The following EXD2 variants were observed in gnomAD, a reference collection of about 807,000 sequenced individuals.
EXD2 encodes the protein exonuclease 3'-5' domain-containing protein 2.
EXD2 carries 40 observed loss-of-function variants against 62.5 expected under a neutral mutation model. That is an observed-to-expected ratio of 0.64 (90% CI 0.50 to 0.83). The LOEUF (loss-of-function observed/expected upper bound fraction) is 0.83. Among genes scored for constraint, EXD2 ranks in the 40% least tolerant of loss-of-function variants. The pLI, the probability that EXD2 is intolerant of heterozygous loss-of-function variation, is 0.00. For missense variants in EXD2, 671 were observed against 761.8 expected, an observed-to-expected ratio of 0.88 and a Z score of 1.40; for synonymous variants, 239 against 291.9, an observed-to-expected ratio of 0.82 and a Z score of 1.85.
rs576974579 is a variant in EXD2, at chr14:69,224,497, CCTA to C, written c.334-4314_334-4312del. On this transcript the variant is annotated intron_variant, in intron 3 of 9. Transcript: ENST00000685843. Reference sequence around the variant, plus strand: ...ACACAGATCCAAACTATATCACACCCCTACTACCTCCTGAGTCCAAGCTTCAAG... The same window carrying C: ...ACACAGATCCAAACTATATCACACCCCTACCTCCTGAGTCCAAGCTTCAAG... Among the ~76,000 whole-genome samples, 213 of 152,286 alleles carry C rather than the reference CCTA, an allele frequency of 1.4e-3. 5 individuals carry two copies. The South Asian group carries it at 0.028, about 20-fold the overall frequency.
rs1394912469 is a variant in EXD2 at position 69,234,986 on chromosome 14, C to A, written c.1004C>A (p.Pro335His). 6.2e-7 allele frequency: 1 copy of A among 1,608,630 alleles called. No homozygotes were observed. Among genetic ancestry groups the A allele is most frequent in the Admixed American group, 1.7e-5 (1 of 58,620 alleles). ...CCAGGCAACCACCAAGGGAGAGACCCCAGAAAACATAAAAGAAAGCCTCTG... is the reference window on the plus strand; with the variant it reads ...CCAGGCAACCACCAAGGGAGAGACCACAGAAAACATAAAAGAAAGCCTCTG... ...MVPGNHQGRD[P>H]RKHKRKPLGV... The change falls in exon 6 of 10, where the codon CCC becomes CAC. Residue 335 changes from proline to histidine, a missense_variant. Coordinates refer to ENST00000685843, the MANE Select transcript of EXD2 (RefSeq NM_001193360.2).
intron 1 of EXD2, among the ~76,000 whole-genome samples, chr14:69,193,973 G>A (rs929842124): frequency 1.3e-5 from 2 of 152,160 alleles, no homozygotes; most frequent in Admixed American, 1.3e-4. Flanking sequence ...TTGTGCTGAA[G>A]TTGAAAAATC....
At chr14:69,209,128 C>G (rs1566821697) in intron 2 of EXD2, 1 of 165,456 alleles carries the variant, frequency 6.0e-6, no homozygotes, top group African/African-American at 2.4e-5. Flanking sequence ...GATCACACTT[C>G]ATTGTGTACA....
chr14:69,200,680 G>A (rs1372893485), intron 1 of EXD2, among the ~76,000 whole-genome samples: 1 of 149,682 alleles, frequency 6.7e-6, no homozygotes, highest in East Asian at 2.0e-4. Context: ...CTGCACTCCA[G>A]CCTTTGCGAT....
chr14:69,200,034 A>G (rs1375727216), intron 1 of EXD2, among the ~76,000 whole-genome samples: 1 of 152,242 alleles, frequency 6.6e-6, no homozygotes, highest in Non-Finnish European at 1.5e-5. Flanking sequence ...CGCATTGTGC[A>G]GCAACGTTAG....
chr14:69,202,617 T>C (rs2042446974), intron 1 of EXD2, among the ~76,000 whole-genome samples: 1 of 152,144 alleles, frequency 6.6e-6, no homozygotes, highest in South Asian at 2.1e-4. Flanking sequence ...GTTTGCTGAA[T>C]GAATCCCTTG....
At chr14:69,233,003 A>C (rs1408623343) in intron 5 of EXD2, among the ~76,000 whole-genome samples, 7 of 152,206 alleles carry the variant, frequency 4.6e-5, no homozygotes, top group African/African-American at 1.4e-4. Flanking sequence ...AAAGTCATAT[A>C]GTTTTAGCTC....
intron 2 of EXD2, chr14:69,208,742 ATCTC>A (rs2042705464): frequency 6.6e-6 from 1 of 152,172 alleles, no homozygotes; most frequent in Non-Finnish European, 1.5e-5. Context: ...CATCTTGTAT[ATCTC>A]TCTAAGTTCT....
chr14:69,196,998 A>G (rs1259250936), intron 1 of EXD2, among the ~76,000 whole-genome samples: 2 of 152,066 alleles, frequency 1.3e-5, no homozygotes, highest in African/African-American at 4.8e-5. Flanking sequence ...CATTTCCCTA[A>G]CAGCTCATGA....
chr14:69,220,292 A>G (rs1273049586), intron 3 of EXD2, among the ~76,000 whole-genome samples: 2 of 47,100 alleles, frequency 4.2e-5, no homozygotes, highest in African/African-American at 1.9e-4. Context: ...TTTTTTTGAG[A>G]CAGAGTCTCG....
In EXD2 at chr14:69,233,427, AATTTATTT is replaced by A. The variant is rs201790755; in HGVS notation, c.718-1264_718-1257del. ...TTTTTTTTTTAAATTTAATTTAATT[AATTTATTT>A]ATTTATTTTGAGATGGAGTCCCACT... On this transcript the variant is annotated intron_variant, in intron 5 of 9. Transcript: ENST00000685843. 6.1e-4 allele frequency among the ~76,000 whole-genome samples: 92 copies of A among 151,418 alleles called. 2 individuals carry two copies. The East Asian group carries it at 0.017, about 27-fold the overall frequency.
chr14:69,221,909 T>TTA lies in EXD2; in HGVS notation c.334-6907_334-6906insTA, dbSNP rs1175981224. On this transcript the variant is annotated intron_variant, in intron 3 of 9. Transcript: ENST00000685843. Reference sequence around the variant, plus strand: ...CAACATGGTGAAACCCTGTCTCTACTAAAAAAAAAAAAAAAAAAAAAAAAA... The same window carrying TTA: ...CAACATGGTGAAACCCTGTCTCTACTTAAAAAAAAAAAAAAAAAAAAAAAAAA... Among the ~76,000 whole-genome samples the TTA allele has an allele frequency of 1.1e-3, 56 of 52,056 alleles. No individual in the cohort carries two copies. In the Middle Eastern group the frequency reaches 0.054, roughly 50 times the overall value. 34.2% of individuals were successfully genotyped at this position (52,056 alleles called of 152,430 possible). A position where few individuals can be genotyped will look rare whatever the true frequency, so the allele number is the denominator to read the frequency against.
chr14:69,236,905 G>A (rs962549669), intron 8 of EXD2, among the ~76,000 whole-genome samples: 5 of 152,198 alleles, frequency 3.3e-5, no homozygotes, highest in African/African-American at 1.2e-4. Context: ...TATTCATGGA[G>A]TATCCAGATG....
At chr14:69,233,830 G>T (rs1052149625) in intron 5 of EXD2, among the ~76,000 whole-genome samples, 4 of 149,888 alleles carry the variant, frequency 2.7e-5, no homozygotes, top group Non-Finnish European at 4.4e-5. Flanking sequence ...CAGTGGCACG[G>T]TCTCAGCTCA....
At chr14:69,193,215 C>T (rs143856373) in intron 1 of EXD2, among the ~76,000 whole-genome samples, 3 of 152,154 alleles carry the variant, frequency 2.0e-5, no homozygotes, top group African/African-American at 4.8e-5. Context: ...CCCGCTACCA[C>T]GCCTGGCTAA....
At chr14:69,220,989 C>T (rs1354704277) in intron 3 of EXD2, among the ~76,000 whole-genome samples, 1 of 152,198 alleles carries the variant, frequency 6.6e-6, no homozygotes, top group Non-Finnish European at 1.5e-5. Flanking sequence ...ACCTCAGCCT[C>T]CCAGGTAGCT....
chr14:69,239,032 TGA>T (rs2140051829), intron 9 of EXD2: 1 of 152,350 alleles, frequency 6.6e-6, no homozygotes, highest in South Asian at 2.1e-4. Flanking sequence ...TACAGGTCTG[TGA>T]GAACTGTGAC....
chr14:69,204,556 T>TAA (rs961163915), intron 2 of EXD2, among the ~76,000 whole-genome samples: 1 of 149,278 alleles, frequency 6.7e-6, no homozygotes, highest in Non-Finnish European at 1.5e-5. Flanking sequence ...AACTCTGTCT[T>TAA]AAAAAAAAAA....
chr14:69,194,546 T>G (rs565312157), intron 1 of EXD2, among the ~76,000 whole-genome samples: 1 of 152,266 alleles, frequency 6.6e-6, no homozygotes, highest in African/African-American at 2.4e-5. Context: ...GAGTTTTTGC[T>G]ATGTTGTTCA....
Sources: allele counts gnomAD v4.1 joint callset (sites outside exome capture counted in the v4.1 genomes callset), GRCh38; gene constraint gnomAD v4.1.1; transcripts MANE v1.5; gene names NCBI Gene and HGNC (gene_info 2026-07-23, HGNC 2026-07-21).